Variants in LAD1 observed in about 807,000 individuals in gnomAD.
LAD1 encodes the protein ladinin-1.
Under a neutral mutation model 54.2 loss-of-function variants are expected in LAD1, and 53 were observed. The ratio of observed to expected loss-of-function variants is 0.98; its 90% CI spans 0.78 to 1.23. The LOEUF (loss-of-function observed/expected upper bound fraction) is 1.23. LAD1 is among the 50% of genes most tolerant of loss of function. LAD1 has a pLI of 0.00. For synonymous variants in LAD1, 231 were observed against 257.7 expected, an observed-to-expected ratio of 0.90 and a Z score of 0.99; for missense variants, 637 against 653.3, an observed-to-expected ratio of 0.98 and a Z score of 0.27.
rs1051624722 is a variant in LAD1 at position 201,381,344 on chromosome 1, C to A, written c.*544G>T. 3 of 162,330 alleles carry A rather than the reference C, an allele frequency of 1.8e-5. No homozygotes were observed. The highest frequency in any genetic ancestry group is 1.1e-4 in the Admixed American group (2 of 17,882). The allele number at this position is 162,330 out of a possible 1,614,324, so 10.1% of individuals were successfully genotyped here. ...CCGGCCAGGGAAGGGAGGGGAGAAC[C>A]AAGCAGGGAGACGGGGCACAGGGAA... On this transcript the variant is annotated 3_prime_UTR_variant, in exon 10 of 10. Coordinates refer to ENST00000391967, the MANE Select transcript of LAD1 (RefSeq NM_005558.4).
Position 201,382,339 on chromosome 1 carries a change from A to AGAGGC in LAD1, c.1474-14_1474-13insGCCTC. 1 of 1,605,090 alleles carries AGAGGC rather than the reference A, an allele frequency of 6.2e-7. No individual in the cohort carries two copies. Among genetic ancestry groups the AGAGGC allele is most frequent in the Non-Finnish European group, 8.5e-7 (1 of 1,171,872 alleles). On this transcript the variant is annotated splice_polypyrimidine_tract_variant and intron_variant, in intron 8 of 9. Transcript: ENST00000391967. ...CTTTCTGTGCCTCCTGATTGAGGGT[A>AGAGGC]TCAGGGTGGAGACCAGAGACTAAGA...
rs755492996 is a variant in LAD1 at position 201,385,734 on chromosome 1, G to A, written c.1098C>T (p.Leu366=). ...SPTQRTYSSS[L]KRSSPRTISF... The stretch of plus-strand genomic sequence containing the variant: ...AGATGGTCCTGGGGCTGGAGCGTTT[G>A]AGGGAGCTGCTGTAGGTTCGCTGTG... Residue 366 remains leucine (L), a synonymous_variant, in exon 4 of 10, where the codon CTC becomes CTT. Coordinates refer to ENST00000391967, the MANE Select transcript of LAD1 (RefSeq NM_005558.4). 6.2e-6 allele frequency: 10 copies of A among 1,614,156 alleles called. No individual in the cohort carries two copies. The highest frequency in any genetic ancestry group is 6.8e-6 in the Non-Finnish European group (8 of 1,179,974).
chr1:201,389,066 G>A, intron 2 of LAD1, 94 bp downstream of exon 2: 2 of 1,437,620 alleles, frequency 1.4e-6, no homozygotes, highest in Admixed American at 2.0e-5. Context: ...CTCATTTCCT[G>A]GGCCCCAACT....
chr1:201,386,969 G>A lies in LAD1; in HGVS notation c.392C>T (p.Pro131Leu). The stretch of plus-strand genomic sequence containing the variant: ...TTCCAGTTCCTTCTTGGAGACTAGG[G>A]GTTTCTGTGTGGCCTGCACAGGGCT... ...SLSPVQATQK[P>L]LVSKKELEIP... The change falls in exon 3 of 10, where the codon CCC (proline) becomes CTC (leucine). Residue 131 changes from proline (P) to leucine (L), a missense_variant. By Grantham distance (98) the Pro-to-Leu change is moderately conservative. Transcript: ENST00000391967. The A allele has an allele frequency of 6.2e-7, 1 of 1,609,962 alleles. No homozygotes were observed. The highest frequency in any genetic ancestry group is 8.5e-7 in the Non-Finnish European group (1 of 1,178,674).
intron 1 of LAD1, among the ~76,000 whole-genome samples, chr1:201,389,951 G>A (rs570362943): frequency 2.6e-5 from 4 of 151,930 alleles, no homozygotes; most frequent in South Asian, 2.1e-4. Context: ...ACAGGATCTC[G>A]CTGTGTTGCT....
At chr1:201,398,604 G>A (rs1662342457) in intron 1 of LAD1, among the ~76,000 whole-genome samples, 1 of 152,182 alleles carries the variant, frequency 6.6e-6, no homozygotes, top group Non-Finnish European at 1.5e-5. Context: ...CTCGGACCCT[G>A]ATGGGATGTC....
At chr1:201,399,212 G>A in intron 1 of LAD1, 57 bp downstream of exon 1, 1 of 1,402,142 alleles carries the variant, frequency 7.1e-7, no homozygotes, top group Non-Finnish European at 9.8e-7. Flanking sequence ...CCGAGGAGAG[G>A]AGACCCAAAG....
At position 201,381,384 on chromosome 1, in the gene LAD1, CCTT is replaced by C; in HGVS notation, c.*501_*503del. ...GGCACAGGGAAGACGCACGGCAGCT[CCTT>C]CTCCCCTGGCCAGAGCGGGCCTCAG... is the stretch of plus-strand genomic sequence containing the variant. On this transcript the variant is annotated 3_prime_UTR_variant, in exon 10 of 10. Transcript: ENST00000391967. The C allele has an allele frequency of 6.0e-6, 1 of 166,996 alleles. No individual in the cohort carries two copies. The highest frequency in any genetic ancestry group is 1.3e-5 in the Non-Finnish European group (1 of 76,042). 10.3% of individuals were successfully genotyped at this position (166,996 alleles called of 1,614,324 possible).
chr1:201,394,273 C>T (rs1334034298), intron 1 of LAD1, among the ~76,000 whole-genome samples: 1 of 152,222 alleles, frequency 6.6e-6, no homozygotes, highest in African/African-American at 2.4e-5. Context: ...AAGCCCACTC[C>T]TCCCCCAAAG....
At position 201,382,335 on chromosome 1, in the gene LAD1, G is replaced by T. The variant is rs773505236; in HGVS notation, c.1474-9C>A. 1 of 1,606,846 alleles carries T rather than the reference G, an allele frequency of 6.2e-7. No individual in the cohort carries two copies. ...GATGCTTTCTGTGCCTCCTGATTGA[G>T]GGTATCAGGGTGGAGACCAGAGACT... On this transcript the variant is annotated splice_polypyrimidine_tract_variant and intron_variant, in intron 8 of 9. Transcript: ENST00000391967.
chr1:201,392,754 G>A (rs1204913431), intron 1 of LAD1, among the ~76,000 whole-genome samples: 1 of 151,984 alleles, frequency 6.6e-6, no homozygotes, highest in Non-Finnish European at 1.5e-5. Flanking sequence ...CAACATGATG[G>A]GATCGCTCTA....
At chr1:201,382,534 C>A in intron 8 of LAD1, 119 bp downstream of exon 8, 1 of 817,468 alleles carries the variant, frequency 1.2e-6, no homozygotes, top group Non-Finnish European at 1.9e-6. Flanking sequence ...CTCCTCCTCT[C>A]CCGAAATGAC....
intron 1 of LAD1, among the ~76,000 whole-genome samples, chr1:201,397,624 G>C (rs1161246214): frequency 2.0e-5 from 3 of 151,778 alleles, no homozygotes; most frequent in African/African-American, 7.3e-5. Flanking sequence ...ACCAGACTAT[G>C]AACTTCTGAA....
chr1:201,391,814 G>A (rs546111976), intron 1 of LAD1, among the ~76,000 whole-genome samples: 16 of 152,318 alleles, frequency 1.1e-4, no homozygotes, highest in East Asian at 3.9e-4. Context: ...GCTTCACCCC[G>A]GGAGACAGGA....
intron 8 of LAD1, 152 bp from the exon 9 acceptor site, chr1:201,382,478 G>T: frequency 1.3e-6 from 1 of 758,786 alleles, no homozygotes; most frequent in South Asian, 1.7e-5. Flanking sequence ...GCCAGAGTCT[G>T]ACCCACACAC....
chr1:201,393,231 C>G (rs1056338748), intron 1 of LAD1, among the ~76,000 whole-genome samples: 2 of 151,968 alleles, frequency 1.3e-5, no homozygotes, highest in African/African-American at 4.8e-5. Context: ...TGGAAGGAAA[C>G]CAGAGGAGGG....
intron 5 of LAD1, among the ~76,000 whole-genome samples, chr1:201,384,392 G>C (rs1208316983): frequency 6.6e-6 from 1 of 152,072 alleles, no homozygotes; most frequent in Non-Finnish European, 1.5e-5. Flanking sequence ...AGCGAGCCCA[G>C]GAATCCTTGT....
chr1:201,393,499 A>C (rs920868717), intron 1 of LAD1, among the ~76,000 whole-genome samples: 12 of 152,162 alleles, frequency 7.9e-5, no homozygotes, highest in Non-Finnish European at 1.2e-4. Flanking sequence ...TAATCCTAGC[A>C]CTTTGAGAGG....
At chr1:201,384,656 G>T (rs1413751307) in intron 5 of LAD1, 136 bp downstream of exon 5, 2 of 828,242 alleles carry the variant, frequency 2.4e-6, no homozygotes, top group East Asian at 4.9e-5. Context: ...GCCAGATCTG[G>T]AGCCCTGGGC....
Sources: allele counts gnomAD v4.1 joint callset (sites outside exome capture counted in the v4.1 genomes callset), GRCh38; gene constraint gnomAD v4.1.1; transcripts MANE v1.5; gene names NCBI Gene and HGNC (gene_info 2026-07-23, HGNC 2026-07-21).